CDKL4: variants seen among roughly 807,000 people sequenced by gnomAD.
CDKL4 encodes the protein cyclin dependent kinase like 4, also known as cyclin-dependent kinase-like 4.
Under a neutral mutation model 42.0 loss-of-function variants are expected in CDKL4, and 44 were observed. The observed-to-expected ratio is 1.05, with a 90% CI of 0.82 to 1.35. The LOEUF (loss-of-function observed/expected upper bound fraction) is 1.35. Ranked by LOEUF, CDKL4 falls within the 40% of genes most tolerant of loss-of-function variation. CDKL4 has a pLI of 0.00. For missense variants in CDKL4, 393 were observed against 369.9 expected (o/e 1.06, Z -0.51); for synonymous variants, 120 against 121.6 (o/e 0.99, Z 0.09).
intron 9 of CDKL4, chr2:39,178,409 TTTA>T (rs1675256256): frequency 2.9e-6 from 2 of 680,490 alleles, no homozygotes; most frequent in East Asian, 5.7e-5. Flanking sequence ...ACCAACTCAG[TTTA>T]TTATTAGGCA....
At chr2:39,192,585 C>T (rs539592991) in intron 5 of CDKL4, among the ~76,000 whole-genome samples, 1 of 150,754 alleles carries the variant, frequency 6.6e-6, no homozygotes, top group African/African-American at 2.4e-5. Flanking sequence ...GTTGCTCAGG[C>T]CTGTACAAGT....
At chr2:39,186,030 C>G (rs1675813090) in intron 7 of CDKL4, among the ~76,000 whole-genome samples, 1 of 152,024 alleles carries the variant, frequency 6.6e-6, no homozygotes, top group African/African-American at 2.4e-5. Flanking sequence ...GAATGAAAAA[C>G]ACAACATTCA....
At chr2:39,238,487 A>G (rs971349536) in intron 1 of CDKL4, among the ~76,000 whole-genome samples, 3 of 152,176 alleles carry the variant, frequency 2.0e-5, no homozygotes, top group African/African-American at 7.2e-5. Flanking sequence ...ACAAATTCCA[A>G]CAGGCTTTAT....
chr2:39,230,332 G>GCCC (rs1679022720), intron 1 of CDKL4, among the ~76,000 whole-genome samples: 2 of 152,208 alleles, frequency 1.3e-5, no homozygotes, highest in Admixed American at 6.5e-5. Flanking sequence ...CAACAAGAGT[G>GCCC]AAACTCTGTC....
chr2:39,240,029 G>A (rs1679580100), intron 1 of CDKL4, among the ~76,000 whole-genome samples: 1 of 152,134 alleles, frequency 6.6e-6, no homozygotes, highest in South Asian at 2.1e-4. Flanking sequence ...GGCGGAGGTT[G>A]CAGTGAGCTG....
chr2:39,195,257 C>T (rs1054423095), intron 5 of CDKL4, among the ~76,000 whole-genome samples: 2 of 152,200 alleles, frequency 1.3e-5, no homozygotes, highest in African/African-American at 4.8e-5. Flanking sequence ...AATAATCCTA[C>T]TATAAGCATT....
At chr2:39,234,946 T>A (rs1679289389) in intron 1 of CDKL4, among the ~76,000 whole-genome samples, 1 of 151,958 alleles carries the variant, frequency 6.6e-6, no homozygotes, top group African/African-American at 2.4e-5. Flanking sequence ...TAAAGTGCAG[T>A]GGTGCAATCA....
intron 3 of CDKL4, among the ~76,000 whole-genome samples, chr2:39,222,946 A>G (rs1678468677): frequency 6.6e-6 from 1 of 152,168 alleles, no homozygotes; most frequent in Non-Finnish European, 1.5e-5. Flanking sequence ...TTAATATGCC[A>G]TTTTAATTGT....
At chr2:39,231,543 CCT>C (rs1679092773) in intron 1 of CDKL4, among the ~76,000 whole-genome samples, 1 of 152,138 alleles carries the variant, frequency 6.6e-6, no homozygotes, top group Non-Finnish European at 1.5e-5. Context: ...AATTCGATTT[CCT>C]CTCTTATTAA....
At chr2:39,239,598 G>A (rs970284311) in intron 1 of CDKL4, among the ~76,000 whole-genome samples, 3 of 152,222 alleles carry the variant, frequency 2.0e-5, no homozygotes, top group Non-Finnish European at 4.4e-5. Flanking sequence ...CTAAGCACAT[G>A]AAAGGATGCT....
Position 39,202,901 on chromosome 2 carries a change from A to G in CDKL4, c.454+1626T>C, listed in dbSNP as rs150585465. Reference sequence around the variant, plus strand: ...CCAGTACTTAGAAGACTTGAGCTGTAACCAGTGCCTGAGCTCATGTCTTGT... The same window carrying G: ...CCAGTACTTAGAAGACTTGAGCTGTGACCAGTGCCTGAGCTCATGTCTTGT... On this transcript the variant is annotated intron_variant, in intron 5 of 9. Coordinates refer to ENST00000451199, the Ensembl canonical transcript of CDKL4. 1.3e-3 allele frequency among the ~76,000 whole-genome samples: 192 copies of G among 152,322 alleles called. 1 individual carries two copies. The Middle Eastern group carries it at 0.014, about 11-fold the overall frequency.
chr2:39,221,859 C>A (rs1269838529), intron 3 of CDKL4, among the ~76,000 whole-genome samples: 2 of 152,360 alleles, frequency 1.3e-5, no homozygotes, highest in Non-Finnish European at 2.9e-5. Flanking sequence ...ATCTCCCTCA[C>A]TTCCCGGGGT....
At chr2:39,189,830 T>G (rs1303364507) in intron 6 of CDKL4, among the ~76,000 whole-genome samples, 1 of 152,172 alleles carries the variant, frequency 6.6e-6, no homozygotes. Flanking sequence ...AATAGCAGAG[T>G]TGGGGAACTG....
At chr2:39,220,997 T>TTG (rs1678308018) in intron 3 of CDKL4, among the ~76,000 whole-genome samples, 1 of 55,468 alleles carries the variant, frequency 1.8e-5, no homozygotes, top group African/African-American at 4.1e-5. Context: ...TTTTTTTTTT[T>TTG]TTTGTTTTTT....
chr2:39,204,551 C>A (rs771224600), exon 5 of CDKL4: 1 of 1,609,536 alleles, frequency 6.2e-7, no homozygotes, highest in East Asian at 2.2e-5. Context: ...AACCCGAAGT[C>A]ACAAATCTTG....
In CDKL4 at chr2:39,185,352, GTA is replaced by G. The variant is rs1230573945; in HGVS notation, c.736-707_736-706del. On this transcript the variant is annotated intron_variant, in intron 7 of 9. Coordinates refer to ENST00000451199, the Ensembl canonical transcript of CDKL4. Reference sequence around the variant, plus strand: ...CACATATGTATATATATACACATATGTATATATACATATATATATACATATGT... The same window carrying G: ...CACATATGTATATATATACACATATGTATATACATATATATATACATATGT... Among the ~76,000 whole-genome samples the G allele has an allele frequency of 7.4e-4, 55 of 74,408 alleles. 9 individuals carry two copies. Among genetic ancestry groups the G allele is most frequent in the Non-Finnish European group, 1.1e-3 (43 of 38,600 alleles). The allele number at this position is 74,408 out of a possible 152,430, so 48.8% of individuals were successfully genotyped here. A position where few individuals can be genotyped will look rare whatever the true frequency, so the allele number is the denominator to read the frequency against.
downstream of CDKL4, among the ~76,000 whole-genome samples, chr2:39,175,480 C>T (rs866033223): frequency 6.6e-5 from 10 of 152,122 alleles, no homozygotes; most frequent in Admixed American, 1.3e-4. Context: ...TAAACCTGAA[C>T]GACCTTTCAA....
chr2:39,239,210 T>C (rs567281599), intron 1 of CDKL4, among the ~76,000 whole-genome samples: 5 of 150,690 alleles, frequency 3.3e-5, no homozygotes, highest in African/African-American at 1.2e-4. Context: ...TAACTCAAAA[T>C]GGACAAAGAC....
At chr2:39,230,350 C>T (rs1679024366) in intron 1 of CDKL4, among the ~76,000 whole-genome samples, 1 of 152,224 alleles carries the variant, frequency 6.6e-6, no homozygotes, top group South Asian at 2.1e-4. Context: ...GTCTGAAAAA[C>T]ACAAAACAAT....
Sources: gnomAD v4.1 joint callset for allele counts (sites outside exome capture counted in the v4.1 genomes callset) on GRCh38, gnomAD v4.1.1 for gene constraint, MANE v1.5 for transcripts, NCBI Gene and HGNC (gene_info 2026-07-23, HGNC 2026-07-21) for gene names.